The following DCBLD2 variants were observed in gnomAD, a reference collection of about 807,000 sequenced individuals.
DCBLD2 encodes the protein discoidin, CUB and LCCL domain containing 2, also known as discoidin, CUB and LCCL domain-containing protein 2.
In DCBLD2, 54 loss-of-function variants were observed where a neutral mutation model predicts 86.8. That is an observed-to-expected ratio of 0.62 (90% CI 0.50 to 0.78). The LOEUF (loss-of-function observed/expected upper bound fraction) is 0.78. Among genes scored for constraint, DCBLD2 ranks in the 30% least tolerant of loss-of-function variants. The pLI is 0.00. For synonymous variants in DCBLD2, 354 were observed against 341.3 expected (o/e 1.04, Z -0.41); for missense variants, 908 against 954.2 (o/e 0.95, Z 0.64).
At position 98,868,462 on chromosome 3, in the gene DCBLD2, AT is replaced by A. The variant is rs200467595; in HGVS notation, c.433+13077del. On this transcript the variant is annotated intron_variant, in intron 2 of 15. Transcript: ENST00000326840. ...ATCTCATGTTGAAATTTATTTATAT[AT>A]TTTTTTAATTTTCAATAGCTTTAGG... Among the ~76,000 whole-genome samples the A allele has an allele frequency of 6.2e-3, 947 of 152,192 alleles. 9 individuals carry two copies. Among genetic ancestry groups the A allele is most frequent in the African/African-American group, 0.022 (900 of 41,530 alleles).
intron 2 of DCBLD2, among the ~76,000 whole-genome samples, chr3:98,876,872 T>C (rs1209245378): frequency 6.6e-6 from 1 of 152,180 alleles, no homozygotes; most frequent in Non-Finnish European, 1.5e-5. Context: ...GCACAGTGAT[T>C]TCCAGAAAAC....
At chr3:98,882,554 A>T (rs1051418234) in intron 1 of DCBLD2, among the ~76,000 whole-genome samples, 1 of 152,040 alleles carries the variant, frequency 6.6e-6, no homozygotes, top group Admixed American at 6.6e-5. Context: ...TATTTCTCCT[A>T]ATGCTATCCC....
intron 13 of DCBLD2, among the ~76,000 whole-genome samples, chr3:98,807,142 C>T (rs1941855604): frequency 6.6e-6 from 1 of 152,290 alleles, no homozygotes; most frequent in South Asian, 2.1e-4. Flanking sequence ...CCAGACTGAA[C>T]CTCTATGGTT....
intron 3 of DCBLD2, among the ~76,000 whole-genome samples, chr3:98,835,974 T>G: frequency 6.7e-6 from 1 of 148,888 alleles, no homozygotes; most frequent in African/African-American, 2.5e-5. Flanking sequence ...AATTTTTGTT[T>G]ATTCACATTG....
intron 3 of DCBLD2, among the ~76,000 whole-genome samples, chr3:98,839,225 TTCTC>T (rs371373216): frequency 4.0e-5 from 6 of 150,000 alleles, no homozygotes; most frequent in Middle Eastern, 6.8e-3. Flanking sequence ...CCTTCTTTCC[TTCTC>T]TCTCTCTCTC....
chr3:98,817,616 A>G (rs1250900506), intron 9 of DCBLD2, among the ~76,000 whole-genome samples, 153 bp downstream of exon 9: 3 of 152,264 alleles, frequency 2.0e-5, no homozygotes, highest in Non-Finnish European at 2.9e-5. Context: ...TAAAGTCAGT[A>G]GAGTAAGGCC....
intron 3 of DCBLD2, among the ~76,000 whole-genome samples, chr3:98,835,695 A>T (rs1283701438): frequency 6.8e-6 from 1 of 147,810 alleles, no homozygotes; most frequent in Non-Finnish European, 1.5e-5. Context: ...GACTACAGGC[A>T]CGTGCCACCA....
At chr3:98,883,780 C>T (rs1183369019) in intron 1 of DCBLD2, among the ~76,000 whole-genome samples, 2 of 152,084 alleles carry the variant, frequency 1.3e-5, no homozygotes, top group African/African-American at 4.8e-5. Flanking sequence ...TACACAAAAA[C>T]TATATTAAAA....
chr3:98,876,826 G>T (rs911197933), intron 2 of DCBLD2, among the ~76,000 whole-genome samples: 3 of 152,234 alleles, frequency 2.0e-5, no homozygotes, highest in Admixed American at 6.5e-5. Context: ...GTTCTATACT[G>T]CTATAAAAAG....
chr3:98,804,500 C>A (rs920680059), intron 13 of DCBLD2, among the ~76,000 whole-genome samples: 2 of 152,122 alleles, frequency 1.3e-5, no homozygotes, highest in African/African-American at 4.8e-5. Context: ...AAAACCAGCT[C>A]CTGGATTCAC....
Position 98,799,452 on chromosome 3 carries a change from A to G in DCBLD2, c.2248T>C (p.Tyr750His). The G allele has an allele frequency of 1.2e-6, 2 of 1,613,936 alleles. No individual in the cohort carries two copies. The highest frequency in any genetic ancestry group is 1.7e-6 in the Non-Finnish European group (2 of 1,179,866). ...PGLPAPDELV[Y>H]QVPQSTQEVS... ...TCTTGTGTGCTCTGTGGCACCTGGT[A>G]CACCAATTCGTCTGGGGCAGGTAGA... The change falls in exon 16 of 16, where the codon TAC becomes CAC. Residue 750 changes from tyrosine to histidine, a missense_variant. Tyr to His is a moderately conservative substitution (Grantham distance 83, BLOSUM62 2). Coordinates refer to ENST00000326840, the MANE Select transcript of DCBLD2 (RefSeq NM_080927.4).
In DCBLD2 at chr3:98,800,610, T is replaced by G; in HGVS notation, c.1827A>C (p.Glu609Asp). 1 of 1,613,896 alleles carries G rather than the reference T, an allele frequency of 6.2e-7. No individual in the cohort carries two copies. Among genetic ancestry groups the G allele is most frequent in the Non-Finnish European group, 8.5e-7 (1 of 1,179,842 alleles). Residue 609 changes from glutamate to aspartate, a missense_variant, in exon 15 of 16, where the codon GAA (glutamate) becomes GAC (aspartate). By Grantham distance (45) the Glu-to-Asp change is conservative (BLOSUM62 2). Coordinates refer to ENST00000326840, the MANE Select transcript of DCBLD2 (RefSeq NM_080927.4). ...AGTCAGCCTGCAGCACTGTGGTGAC[T>G]TCTCTTGGACTCAGGTGATTAACTT... ...SSEVNHLSPR[E>D]VTTVLQADSA...
chr3:98,822,841 T>C, intron 4 of DCBLD2, 100 bp from the exon 5 acceptor site: 2 of 985,458 alleles, frequency 2.0e-6, no homozygotes, highest in Admixed American at 3.0e-5. Flanking sequence ...CAGTTCAAGG[T>C]GAATACCATA....
In DCBLD2 at chr3:98,881,524, C is replaced by CA. The variant is rs762035920; in HGVS notation, c.433+15dup. On this transcript the variant is annotated intron_variant, in intron 2 of 15. Transcript: ENST00000326840. ...AATGATGTATTTACATGTACATTTACAAAAAAAAGTCCTACCTATTTCAGT... is the reference window on the plus strand; with the variant it reads ...AATGATGTATTTACATGTACATTTACAAAAAAAAAGTCCTACCTATTTCAGT... 133 of 1,600,228 alleles carry CA rather than the reference C, an allele frequency of 8.3e-5. No individual in the cohort carries two copies. Among genetic ancestry groups the CA allele is most frequent in the African/African-American group, 7.0e-4 (52 of 74,568 alleles).
chr3:98,883,510 C>A (rs1007263298), intron 1 of DCBLD2, among the ~76,000 whole-genome samples: 3 of 152,104 alleles, frequency 2.0e-5, no homozygotes, highest in Non-Finnish European at 4.4e-5. Flanking sequence ...ACTTAGTTAA[C>A]AACATGTTTG....
At chr3:98,833,571 C>G (rs1400845687) in intron 3 of DCBLD2, among the ~76,000 whole-genome samples, 2 of 152,198 alleles carry the variant, frequency 1.3e-5, no homozygotes, top group Admixed American at 1.3e-4. Flanking sequence ...GTGGGTGTTC[C>G]TTTAACTGCT....
intron 1 of DCBLD2, among the ~76,000 whole-genome samples, chr3:98,889,621 C>G (rs979815039): frequency 6.6e-6 from 1 of 151,940 alleles, no homozygotes; most frequent in Non-Finnish European, 1.5e-5. Context: ...GAAAAAATAA[C>G]CTATAGGTAA....
chr3:98,805,311 C>T (rs1243706804), intron 13 of DCBLD2, among the ~76,000 whole-genome samples: 1 of 152,044 alleles, frequency 6.6e-6, no homozygotes, highest in South Asian at 2.1e-4. Flanking sequence ...AAAAAAAATA[C>T]TGATTAAACA....
chr3:98,836,206 G>C (rs1246167408), intron 3 of DCBLD2, among the ~76,000 whole-genome samples: 1 of 143,416 alleles, frequency 7.0e-6, no homozygotes, highest in Non-Finnish European at 1.5e-5. Context: ...CCTGCCGGCA[G>C]GTGCTCTGGT....
Sources: gnomAD v4.1 joint callset for allele counts (sites outside exome capture counted in the v4.1 genomes callset) on GRCh38, gnomAD v4.1.1 for gene constraint, MANE v1.5 for transcripts, NCBI Gene and HGNC (gene_info 2026-07-23, HGNC 2026-07-21) for gene names.